Variants in CUL2 observed in about 807,000 individuals in gnomAD.
CUL2 encodes the protein cullin-2.
CUL2 carries 22 observed loss-of-function variants against 110.2 expected under a neutral mutation model. The ratio of observed to expected loss-of-function variants is 0.20; its 90% CI spans 0.14 to 0.28. The LOEUF is 0.28. CUL2 is among the 10% of genes least tolerant of loss of function. The pLI, the probability that CUL2 is intolerant of heterozygous loss-of-function variation, is 1.00. For missense variants in CUL2, 631 were observed against 905.5 expected, an observed-to-expected ratio of 0.70 and a Z score of 3.89; for synonymous variants, 279 against 293.2, an observed-to-expected ratio of 0.95 and a Z score of 0.49.
At chr10:35,041,031 T>C (rs1372663116) in intron 8 of CUL2, among the ~76,000 whole-genome samples, 1 of 152,062 alleles carries the variant, frequency 6.6e-6, no homozygotes, top group Non-Finnish European at 1.5e-5. Context: ...AGGCCACAGG[T>C]CAGTACTGGT....
intron 6 of CUL2, 51 bp downstream of exon 6, chr10:35,049,632 T>C: frequency 4.1e-6 from 6 of 1,472,412 alleles, no homozygotes; most frequent in Non-Finnish European, 5.6e-6. Context: ...TTTAAAACCA[T>C]ATCAAACAAC....
chr10:35,103,718 C>T (rs981986826), intron 1 of CUL2, among the ~76,000 whole-genome samples: 1 of 152,146 alleles, frequency 6.6e-6, no homozygotes, highest in Non-Finnish European at 1.5e-5. Context: ...CCTCAGCCTC[C>T]TAAAGTGCTG....
chr10:35,048,259 G>C (rs1246422947), intron 6 of CUL2, among the ~76,000 whole-genome samples: 1 of 152,054 alleles, frequency 6.6e-6, no homozygotes, highest in African/African-American at 2.4e-5. Context: ...TCTTAGTAAA[G>C]CATGTGAAAC....
intron 19 of CUL2, among the ~76,000 whole-genome samples, chr10:35,012,620 G>A (rs1300377099): frequency 3.3e-5 from 5 of 152,128 alleles, no homozygotes; most frequent in Non-Finnish European, 5.9e-5. Flanking sequence ...TCCTCACAGC[G>A]TTTCAAAGAC....
chr10:35,081,232 A>G (rs1342121316), intron 1 of CUL2, among the ~76,000 whole-genome samples: 1 of 152,062 alleles, frequency 6.6e-6, no homozygotes, highest in African/African-American at 2.4e-5. Flanking sequence ...GTCACAAAAA[A>G]GCAGCTACCT....
At position 35,028,310 on chromosome 10, in the gene CUL2, G is replaced by A. The variant is rs541206462; in HGVS notation, c.1617+500C>T. ...CCTGAAACCTACCTGACTGGTTACA[G>A]GACTCTCCTCTATTAGTTATTACCA... is the stretch of plus-strand genomic sequence containing the variant. On this transcript the variant is annotated intron_variant, in intron 16 of 20. Transcript: ENST00000374749. 1.0e-3 allele frequency among the ~76,000 whole-genome samples: 153 copies of A among 152,264 alleles called. 1 individual carries two copies. The highest frequency in any genetic ancestry group is 3.6e-3 in the African/African-American group (149 of 41,556).
At chr10:35,013,520 A>G (rs1431944682) in intron 19 of CUL2, among the ~76,000 whole-genome samples, 179 bp downstream of exon 19, 1 of 152,210 alleles carries the variant, frequency 6.6e-6, no homozygotes, top group Non-Finnish European at 1.5e-5. Context: ...AAACTAAAAT[A>G]CAAGTAGAGA....
chr10:35,045,408 G>A (rs866251580), intron 6 of CUL2, among the ~76,000 whole-genome samples: 1 of 138,016 alleles, frequency 7.2e-6, no homozygotes, highest in Non-Finnish European at 1.6e-5. Flanking sequence ...GCAATAGAGC[G>A]AGACCTCATT....
At chr10:35,033,511 C>T (rs556435111) in intron 10 of CUL2, among the ~76,000 whole-genome samples, 4 of 151,874 alleles carry the variant, frequency 2.6e-5, no homozygotes, top group South Asian at 4.2e-4. Flanking sequence ...CTGAGGCGGG[C>T]GGATCATGAG....
At chr10:35,088,473 C>T (rs1179840844) in intron 1 of CUL2, among the ~76,000 whole-genome samples, 1 of 137,324 alleles carries the variant, frequency 7.3e-6, no homozygotes, top group African/African-American at 2.7e-5. Context: ...CGCACTTCAG[C>T]CTGGTGACAG....
chr10:35,117,954 T>G (rs1416441850), intron 1 of CUL2, among the ~76,000 whole-genome samples: 2 of 152,166 alleles, frequency 1.3e-5, no homozygotes, highest in African/African-American at 2.4e-5. Context: ...GTTCCTTTCA[T>G]CCCCTCCCCC....
Position 35,010,266 on chromosome 10 carries a change from G to GT in CUL2, c.*44_*45insA. The stretch of plus-strand genomic sequence containing the variant: ...TTTTTCCCACAGGAACACACCAAAT[G>GT]GTGATGGCAATGATCTTCTCACACC... On this transcript the variant is annotated 3_prime_UTR_variant, in exon 21 of 21. Transcript: ENST00000374749. 1 of 1,531,442 alleles carries GT rather than the reference G, an allele frequency of 6.5e-7. No homozygotes were observed. The highest frequency in any genetic ancestry group is 8.8e-7 in the Non-Finnish European group (1 of 1,135,286). 94.9% of individuals were successfully genotyped at this position (1,531,442 alleles called of 1,614,324 possible).
At chr10:35,105,062 A>C (rs941018753) in intron 1 of CUL2, among the ~76,000 whole-genome samples, 26 of 151,880 alleles carry the variant, frequency 1.7e-4, no homozygotes, top group Non-Finnish European at 7.4e-5. Context: ...AGGCTTGAGA[A>C]ATGTGTTGAA....
intron 9 of CUL2, among the ~76,000 whole-genome samples, chr10:35,037,883 G>A (rs1017081045): frequency 1.3e-5 from 2 of 151,944 alleles, no homozygotes; most frequent in African/African-American, 4.8e-5. Context: ...GCCGGGCGCG[G>A]TGACTCACAC....
chr10:35,026,925 C>G (rs553450168), intron 16 of CUL2, among the ~76,000 whole-genome samples: 1 of 152,036 alleles, frequency 6.6e-6, no homozygotes, highest in African/African-American at 2.4e-5. Flanking sequence ...TGCTGGTGTG[C>G]TGCACCCACT....
At chr10:35,098,925 C>T (rs1452935618) in intron 2 of CUL2, among the ~76,000 whole-genome samples, 1 of 151,906 alleles carries the variant, frequency 6.6e-6, no homozygotes, top group Non-Finnish European at 1.5e-5. Flanking sequence ...CAAAGCAAGA[C>T]TCTGTCTCGA....
chr10:35,036,909 T>G (rs1240183990), intron 9 of CUL2, among the ~76,000 whole-genome samples: 1 of 152,102 alleles, frequency 6.6e-6, no homozygotes, highest in Non-Finnish European at 1.5e-5. Context: ...AATGCTTGTA[T>G]TTTTTTGCAG....
chr10:35,033,650 C>G (rs2085535467), intron 10 of CUL2, among the ~76,000 whole-genome samples: 1 of 151,624 alleles, frequency 6.6e-6, no homozygotes, highest in Admixed American at 6.6e-5. Flanking sequence ...GGCAGGGGAA[C>G]TGCTGGAACC....
intron 3 of CUL2, among the ~76,000 whole-genome samples, chr10:35,062,049 G>C (rs554768448): frequency 6.6e-6 from 1 of 152,164 alleles, no homozygotes; most frequent in Non-Finnish European, 1.5e-5. Context: ...AGTTGCCCGT[G>C]GTTACAACAG....
Sources: gnomAD v4.1 joint callset for allele counts (sites outside exome capture counted in the v4.1 genomes callset) on GRCh38, gnomAD v4.1.1 for gene constraint, MANE v1.5 for transcripts, NCBI Gene and HGNC (gene_info 2026-07-23, HGNC 2026-07-21) for gene names.